The following TCERG1L variants were observed in gnomAD, a reference collection of about 807,000 sequenced individuals.
TCERG1L encodes the protein transcription elongation regulator 1-like protein.
In TCERG1L, 37 loss-of-function variants were observed where a neutral mutation model predicts 56.3. The observed-to-expected ratio is 0.66, with a 90% confidence interval of 0.51 to 0.87. The LOEUF is 0.87. Ranked by LOEUF, TCERG1L falls within the 40% of genes least tolerant of loss-of-function variation. The pLI, the probability that TCERG1L is intolerant of heterozygous loss-of-function variation, is 0.00. For synonymous variants in TCERG1L, 324 were observed against 326.3 expected (o/e 0.99, Z 0.08); for missense variants, 799 against 774.2 (o/e 1.03, Z -0.38).
At chr10:131,200,261 C>T (rs138163514) in intron 4 of TCERG1L, among the ~76,000 whole-genome samples, 40 of 152,296 alleles carry the variant, frequency 2.6e-4, no homozygotes, top group African/African-American at 7.0e-4. Context: ...GCTAGACAAA[C>T]GAGCTGAGGC....
intron 3 of TCERG1L, among the ~76,000 whole-genome samples, chr10:131,307,690 T>C (rs1846830282): frequency 6.6e-6 from 1 of 152,174 alleles, no homozygotes; most frequent in Non-Finnish European, 1.5e-5. Flanking sequence ...CCAGGACAAA[T>C]GTTCTTTCAG....
intron 8 of TCERG1L, among the ~76,000 whole-genome samples, chr10:131,127,467 G>C (rs1845576015): frequency 1.3e-5 from 2 of 152,232 alleles, no homozygotes; most frequent in African/African-American, 4.8e-5. Flanking sequence ...GCCTTCTGGG[G>C]TCCAAACCTC....
intron 4 of TCERG1L, among the ~76,000 whole-genome samples, chr10:131,197,511 C>A (rs577956572): frequency 6.6e-6 from 1 of 152,062 alleles, no homozygotes; most frequent in African/African-American, 2.4e-5. Context: ...TTTTCTGACG[C>A]AAACTTCACA....
chr10:131,114,911 C>T lies in TCERG1L; in HGVS notation c.1395+1888G>A, dbSNP rs117827626. On this transcript the variant is annotated intron_variant, in intron 9 of 11. Coordinates refer to ENST00000368642, the MANE Select transcript of TCERG1L (RefSeq NM_174937.4). The stretch of plus-strand genomic sequence containing the variant: ...TGCCCGATAATCCAACCAGGCCAGC[C>T]TGGCCAGGCCTATTCAGAAACTCAG... Among the ~76,000 whole-genome samples, 1,311 of 152,368 alleles carry T rather than the reference C, an allele frequency of 8.6e-3. 4 individuals carry two copies. Among genetic ancestry groups the T allele is most frequent in the African/African-American group, 0.012 (504 of 41,594 alleles).
chr10:131,124,849 G>A (rs770844043), intron 8 of TCERG1L, among the ~76,000 whole-genome samples: 5 of 152,204 alleles, frequency 3.3e-5, no homozygotes, highest in African/African-American at 9.7e-5. Context: ...CTGTGTTCTC[G>A]AGCAAGTCTC....
intron 4 of TCERG1L, among the ~76,000 whole-genome samples, chr10:131,229,644 T>C (rs767200932): frequency 6.6e-6 from 1 of 152,020 alleles, no homozygotes; most frequent in African/African-American, 2.4e-5. Context: ...CCAAGACACA[T>C]AGAGATATAG....
At chr10:131,249,931 C>T (rs1846088351) in intron 4 of TCERG1L, among the ~76,000 whole-genome samples, 1 of 152,198 alleles carries the variant, frequency 6.6e-6, no homozygotes, top group Admixed American at 6.5e-5. Context: ...CTCCTCCCAG[C>T]AAAGAAAGCT....
In TCERG1L at chr10:131,309,257, A is replaced by AG. The variant is rs1024942695; in HGVS notation, c.384dup (p.Ser129LeufsTer33). ...ACGGGCACCAGCTCCACTGTGGAAG[A>AG]GGGGGGCAGTCCTAGGGACGGAGAA... On this transcript the variant is annotated frameshift_variant, in exon 2 of 12. Coordinates refer to ENST00000368642, the MANE Select transcript of TCERG1L (RefSeq NM_174937.4). LOFTEE classifies it high-confidence loss of function. 1.6e-5 allele frequency: 25 copies of AG among 1,604,430 alleles called. No individual in the cohort carries two copies. The highest frequency in any genetic ancestry group is 1.7e-5 in the Non-Finnish European group (20 of 1,176,930).
At chr10:131,162,128 C>G (rs1845984831) in intron 6 of TCERG1L, 1 of 152,232 alleles carries the variant, frequency 6.6e-6, no homozygotes, top group Non-Finnish European at 1.5e-5. Flanking sequence ...CTGACCCCAG[C>G]CTGTGGGGTT....
At chr10:131,298,827 C>T (rs1038711707) in intron 3 of TCERG1L, among the ~76,000 whole-genome samples, 5 of 152,182 alleles carry the variant, frequency 3.3e-5, no homozygotes, top group African/African-American at 1.2e-4. Flanking sequence ...GTAGACTGTT[C>T]TATACATGTC....
chr10:131,175,674 G>C (rs978383936), intron 4 of TCERG1L, among the ~76,000 whole-genome samples: 2 of 152,204 alleles, frequency 1.3e-5, no homozygotes, highest in East Asian at 3.9e-4. Flanking sequence ...AAAAGCAAAA[G>C]AGACATATTA....
At chr10:131,297,095 G>A (rs1174789611) in intron 3 of TCERG1L, among the ~76,000 whole-genome samples, 3 of 151,944 alleles carry the variant, frequency 2.0e-5, no homozygotes, top group Non-Finnish European at 2.9e-5. Context: ...TTGCCTTGTT[G>A]CATAACTAGG....
intron 4 of TCERG1L, among the ~76,000 whole-genome samples, chr10:131,218,656 T>C (rs955701928): frequency 2.6e-5 from 4 of 152,118 alleles, no homozygotes; most frequent in African/African-American, 9.7e-5. Flanking sequence ...TGTCTGCCCA[T>C]AGGCGAGTGA....
intron 7 of TCERG1L, among the ~76,000 whole-genome samples, chr10:131,142,351 G>A (rs1845748100): frequency 1.3e-5 from 2 of 152,198 alleles, no homozygotes; most frequent in African/African-American, 4.8e-5. Context: ...GGCTGCCTGG[G>A]CCCCTGGTGA....
rs1188716600 is a variant in TCERG1L at position 131,260,521 on chromosome 10, A to C, written c.671-77T>G. ...TGACAGATGCCCATCTCGCTACCGC[A>C]AGATATCAGCCCCCAGAAAACAGGT... On this transcript the variant is annotated intron_variant, in intron 3 of 11. Coordinates refer to ENST00000368642, the MANE Select transcript of TCERG1L (RefSeq NM_174937.4). The surrounding 1 kb of genome is among the most constrained non-coding windows in gnomAD (Gnocchi z 5.8). 1.5e-6 allele frequency: 2 copies of C among 1,311,738 alleles called. No individual in the cohort carries two copies. The highest frequency in any genetic ancestry group is 9.7e-7 in the Non-Finnish European group (1 of 1,028,608). 81.3% of individuals were successfully genotyped at this position (1,311,738 alleles called of 1,614,324 possible). A position where few individuals can be genotyped will look rare whatever the true frequency, so the allele number is the denominator to read the frequency against.
chr10:131,254,814 GA>G (rs60308937), intron 4 of TCERG1L, among the ~76,000 whole-genome samples: 178 of 152,332 alleles, frequency 1.2e-3, no homozygotes, highest in African/African-American at 3.9e-3. Context: ...GGCAGGGGGT[GA>G]AAAAGGTTTA....
intron 4 of TCERG1L, among the ~76,000 whole-genome samples, chr10:131,177,938 C>G (rs1404474368): frequency 1.3e-5 from 2 of 151,784 alleles, no homozygotes; most frequent in African/African-American, 4.8e-5. Flanking sequence ...GCTGTAGTTT[C>G]AAGTCTGTTT....
chr10:131,093,730 C>T (rs1354481264), intron 11 of TCERG1L, among the ~76,000 whole-genome samples: 1 of 152,196 alleles, frequency 6.6e-6, no homozygotes, highest in African/African-American at 2.4e-5. Flanking sequence ...GTACACCCTT[C>T]CCTTGTTTCT....
intron 9 of TCERG1L, among the ~76,000 whole-genome samples, chr10:131,109,398 G>T (rs1845387835): frequency 6.6e-6 from 1 of 152,244 alleles, no homozygotes; most frequent in African/African-American, 2.4e-5. Context: ...ACGTGGCCGT[G>T]TCTGTGACCG....
Sources: gnomAD v4.1 joint callset for allele counts (sites outside exome capture counted in the v4.1 genomes callset) on GRCh38, gnomAD v4.1.1 for gene constraint, Gnocchi (gnomAD v3.1) non-coding constraint, MANE v1.5 for transcripts, NCBI Gene and HGNC (gene_info 2026-07-23, HGNC 2026-07-21) for gene names.